The following PIGK variants were observed in gnomAD, a reference collection of about 807,000 sequenced individuals.
The protein encoded by PIGK is GPI-anchor transamidase.
A neutral mutation model predicts 50.6 loss-of-function variants in PIGK; 42 were observed. The ratio of observed to expected loss-of-function variants is 0.83; its 90% confidence interval spans 0.65 to 1.07. PIGK has a LOEUF of 1.07. Among genes scored for constraint, PIGK ranks in the 50% least tolerant of loss-of-function variants. PIGK has a pLI of 0.00. For synonymous variants in PIGK, 151 were observed against 156.0 expected (o/e 0.97, Z 0.24); for missense variants, 448 against 488.7 (o/e 0.92, Z 0.78).
At chr1:77,186,731 T>G (rs1459533515) in intron 3 of PIGK, among the ~76,000 whole-genome samples, 1 of 152,100 alleles carries the variant, frequency 6.6e-6, no homozygotes, top group Non-Finnish European at 1.5e-5. Flanking sequence ...GTGGCAGGGA[T>G]GGAGGTTACA....
intron 9 of PIGK, among the ~76,000 whole-genome samples, chr1:77,149,315 C>T (rs964208607): frequency 2.0e-5 from 3 of 151,946 alleles, no homozygotes; most frequent in African/African-American, 7.2e-5. Flanking sequence ...ACATGACTAA[C>T]TGGATTAAAA....
At chr1:77,102,652 C>T (rs1653576146) in intron 10 of PIGK, among the ~76,000 whole-genome samples, 2 of 152,134 alleles carry the variant, frequency 1.3e-5, no homozygotes, top group Admixed American at 6.5e-5. Context: ...GGACAGCTGA[C>T]CTTCAGAACT....
In PIGK at chr1:77,134,210, T is replaced by G. The variant is rs187595683; in HGVS notation, c.987-11851A>C. 6.8e-4 allele frequency among the ~76,000 whole-genome samples: 104 copies of G among 152,304 alleles called. 1 individual carries two copies. The highest frequency in any genetic ancestry group is 2.3e-3 in the African/African-American group (97 of 41,562). On this transcript the variant is annotated intron_variant, in intron 9 of 10. Transcript: ENST00000370812. ...AGCAAGTGTACCCAAGAGAAAAAAG[T>G]GGCTAGAAACTGTCAGCATTAGTTC...
chr1:77,110,392 G>A (rs1413871418), intron 10 of PIGK, among the ~76,000 whole-genome samples: 1 of 152,030 alleles, frequency 6.6e-6, no homozygotes, highest in African/African-American at 2.4e-5. Flanking sequence ...AAACAGCATG[G>A]TACTGGTACC....
chr1:77,194,346 T>C (rs1220147945), intron 3 of PIGK, among the ~76,000 whole-genome samples: 1 of 152,170 alleles, frequency 6.6e-6, no homozygotes, highest in Non-Finnish European at 1.5e-5. Flanking sequence ...ATATAAGTCA[T>C]TCTACTTTGC....
chr1:77,111,973 A>G (rs1653857995), intron 10 of PIGK, among the ~76,000 whole-genome samples: 1 of 152,038 alleles, frequency 6.6e-6, no homozygotes, highest in African/African-American at 2.4e-5. Context: ...AAATACACTG[A>G]TTAGGCACTG....
In PIGK at chr1:77,110,198, T is replaced by C. The variant is rs188639626; in HGVS notation, c.1071+12077A>G. ...TGGCCATACTGCCCAAGGTAATTTA[T>C]AGATTCAATGCCATCCCCATCAAGT... On this transcript the variant is annotated intron_variant, in intron 10 of 10. Transcript: ENST00000370812. 2.7e-3 allele frequency among the ~76,000 whole-genome samples: 418 copies of C among 152,270 alleles called. 1 individual carries two copies. The highest frequency in any genetic ancestry group is 9.3e-3 in the African/African-American group (385 of 41,546).
At chr1:77,209,767 T>C (rs1656374067) in intron 2 of PIGK, among the ~76,000 whole-genome samples, 1 of 152,050 alleles carries the variant, frequency 6.6e-6, no homozygotes, top group Non-Finnish European at 1.5e-5. Context: ...CCATACCTAC[T>C]GGCAGGGAAA....
chr1:77,179,720 A>T (rs1161185918), intron 3 of PIGK, among the ~76,000 whole-genome samples: 1 of 152,206 alleles, frequency 6.6e-6, no homozygotes, highest in Non-Finnish European at 1.5e-5. Context: ...CTTTAAATTT[A>T]ATTTGGCTGA....
chr1:77,202,182 CTAA>C (rs749470494), intron 3 of PIGK, among the ~76,000 whole-genome samples: 10 of 152,160 alleles, frequency 6.6e-5, no homozygotes, highest in Non-Finnish European at 1.3e-4. Flanking sequence ...CTCGTCTAGA[CTAA>C]TGAGGTTCTA....
chr1:77,106,184 C>T (rs1653668407), intron 10 of PIGK, among the ~76,000 whole-genome samples: 1 of 152,136 alleles, frequency 6.6e-6, no homozygotes, highest in Non-Finnish European at 1.5e-5. Flanking sequence ...TGTTACTTTG[C>T]TACTTAAAAG....
chr1:77,150,997 T>C (rs1167869448), intron 9 of PIGK, among the ~76,000 whole-genome samples: 1 of 152,060 alleles, frequency 6.6e-6, no homozygotes, highest in African/African-American at 2.4e-5. Context: ...TCTATGAGGC[T>C]AGCATTACCC....
chr1:77,210,746 A>G (rs1249462330), intron 1 of PIGK, among the ~76,000 whole-genome samples: 1 of 152,024 alleles, frequency 6.6e-6, no homozygotes, highest in African/African-American at 2.4e-5. Flanking sequence ...ACACCAATTA[A>G]ACAGAGTAAC....
intron 3 of PIGK, among the ~76,000 whole-genome samples, chr1:77,204,054 T>C (rs1656231246): frequency 6.6e-6 from 1 of 152,150 alleles, no homozygotes; most frequent in Non-Finnish European, 1.5e-5. Flanking sequence ...GATAACCTTG[T>C]TATCTCCTGA....
At chr1:77,215,923 G>A (rs1656550281) in intron 1 of PIGK, among the ~76,000 whole-genome samples, 1 of 152,102 alleles carries the variant, frequency 6.6e-6, no homozygotes, top group Non-Finnish European at 1.5e-5. Flanking sequence ...TAGAATAGAG[G>A]CTGGGAAGAA....
intron 2 of PIGK, among the ~76,000 whole-genome samples, chr1:77,208,173 C>T (rs569919310): frequency 6.6e-6 from 1 of 152,172 alleles, no homozygotes; most frequent in East Asian, 1.9e-4. Flanking sequence ...CTACAGTGAG[C>T]TATGATCACA....
intron 10 of PIGK, among the ~76,000 whole-genome samples, chr1:77,096,338 A>T (rs1484215056): frequency 1.3e-5 from 2 of 152,184 alleles, no homozygotes; most frequent in Non-Finnish European, 2.9e-5. Context: ...ACCCTCTGCA[A>T]CGTGACTTTA....
chr1:77,130,336 C>T (rs1232620823), intron 9 of PIGK, among the ~76,000 whole-genome samples: 1 of 116,382 alleles, frequency 8.6e-6, no homozygotes, highest in African/African-American at 3.0e-5. Context: ...AGACATTCTG[C>T]AATAATTCTG....
intron 9 of PIGK, among the ~76,000 whole-genome samples, chr1:77,147,445 G>C (rs1333987144): frequency 3.9e-5 from 6 of 152,124 alleles, no homozygotes; most frequent in Non-Finnish European, 1.5e-5. Context: ...AACATAAGAG[G>C]TGAGTGTTTA....
Sources: allele counts gnomAD v4.1 joint callset (sites outside exome capture counted in the v4.1 genomes callset), GRCh38; gene constraint gnomAD v4.1.1; transcripts MANE v1.5; gene names NCBI Gene and HGNC (gene_info 2026-07-23, HGNC 2026-07-21).